The following DOCK3 variants were observed in gnomAD, a reference collection of about 807,000 sequenced individuals.
DOCK3 encodes dedicator of cytokinesis protein 3.
A neutral mutation model predicts 265.6 loss-of-function variants in DOCK3; 60 were observed. The observed-to-expected ratio is 0.23, with a 90% CI of 0.18 to 0.28. The LOEUF is 0.28. Ranked by LOEUF, DOCK3 falls within the 10% of genes least tolerant of loss-of-function variation. DOCK3 has a pLI of 1.00. For missense variants in DOCK3, 1,981 were observed against 2,594.3 expected (o/e 0.76, Z 5.14); for synonymous variants, 881 against 938.0 (o/e 0.94, Z 1.11).
In DOCK3 at chr3:51,159,262, A is replaced by G. The variant is rs2107509693; in HGVS notation, c.847A>G (p.Met283Val). Reference protein sequence around the residue: ...ALFTDLSSKDMKRDLYIVAHV... With the variant: ...ALFTDLSSKDVKRDLYIVAHV... ...CTCTTAGGATCTGAGCAGCAAAGAT[A>G]TGAAGAGAGATTTGTATATCGTTGC... The change falls in exon 11 of 53, where the codon ATG becomes GTG. Residue 283 changes from methionine (M) to valine (V), a missense_variant. Transcript: ENST00000266037. 1 of 1,613,662 alleles carries G rather than the reference A, an allele frequency of 6.2e-7. No homozygotes were observed. The highest frequency in any genetic ancestry group is 2.2e-5 in the East Asian group (1 of 44,876).
intron 27 of DOCK3, among the ~76,000 whole-genome samples, chr3:51,300,528 G>A (rs1482125249): frequency 6.6e-6 from 1 of 152,164 alleles, no homozygotes; most frequent in African/African-American, 2.4e-5. Flanking sequence ...TATGATATTG[G>A]CTGTGGGTTT....
At chr3:50,942,714 A>G (rs2076327620) in intron 5 of DOCK3, among the ~76,000 whole-genome samples, 1 of 151,514 alleles carries the variant, frequency 6.6e-6, no homozygotes, top group South Asian at 2.1e-4. Flanking sequence ...GTTACTGTGA[A>G]TGTGAATATT....
At chr3:51,293,840 T>C (rs542541623) in intron 27 of DOCK3, among the ~76,000 whole-genome samples, 65 of 152,212 alleles carry the variant, frequency 4.3e-4, no homozygotes, top group African/African-American at 1.5e-3. Context: ...ACATCAGATA[T>C]ATGAAAAAAT....
chr3:51,376,357 TGG>T (rs1236843928), intron 51 of DOCK3, among the ~76,000 whole-genome samples: 1 of 152,214 alleles, frequency 6.6e-6, no homozygotes, highest in East Asian at 1.9e-4. Context: ...GTAGCCACTC[TGG>T]CCAGCAGCTG....
At chr3:51,286,788 T>G (rs2081432187) in intron 27 of DOCK3, among the ~76,000 whole-genome samples, 3 of 152,224 alleles carry the variant, frequency 2.0e-5, no homozygotes, top group Admixed American at 2.0e-4. Context: ...ACTGGACCCC[T>G]TCCTCATGCC....
At chr3:50,987,790 G>A (rs2077957590) in intron 5 of DOCK3, among the ~76,000 whole-genome samples, 1 of 152,172 alleles carries the variant, frequency 6.6e-6, no homozygotes, top group African/African-American at 2.4e-5. Flanking sequence ...GTGCAACCCT[G>A]GGAAACTCAT....
chr3:50,827,898 A>G (rs1020202593), intron 2 of DOCK3, among the ~76,000 whole-genome samples: 1 of 151,088 alleles, frequency 6.6e-6, no homozygotes, highest in African/African-American at 2.4e-5. Flanking sequence ...TGTTGGTTTT[A>G]CAGTGTTTTG....
chr3:51,087,397 T>A (rs1477077769), intron 7 of DOCK3, among the ~76,000 whole-genome samples: 4 of 152,214 alleles, frequency 2.6e-5, no homozygotes, highest in Non-Finnish European at 1.5e-5. Context: ...TATGATCATC[T>A]CAATAGTCAC....
chr3:51,249,876 G>A (rs1161599509), intron 22 of DOCK3, among the ~76,000 whole-genome samples: 9 of 147,346 alleles, frequency 6.1e-5, no homozygotes, highest in Non-Finnish European at 1.1e-4. Context: ...GATGGTTGCC[G>A]TGTCTGTGTA....
chr3:50,729,128 C>T (rs2038027417), intron 1 of DOCK3, among the ~76,000 whole-genome samples: 1 of 146,932 alleles, frequency 6.8e-6, no homozygotes, highest in East Asian at 2.0e-4. Flanking sequence ...CAAGACCAGC[C>T]TGCGCAACAT....
At chr3:51,332,079 C>A (rs555164758) in intron 33 of DOCK3, among the ~76,000 whole-genome samples, 2 of 152,338 alleles carry the variant, frequency 1.3e-5, no homozygotes, top group African/African-American at 4.8e-5. Context: ...AGACAGTCAT[C>A]ATTGTAGCAG....
intron 2 of DOCK3, among the ~76,000 whole-genome samples, chr3:50,827,873 G>A (rs746831554): frequency 6.6e-6 from 1 of 151,310 alleles, no homozygotes; most frequent in African/African-American, 2.4e-5. Flanking sequence ...TTTCATTTAG[G>A]CTCCTCTATT....
chr3:51,012,880 G>A (rs551679758), intron 5 of DOCK3, among the ~76,000 whole-genome samples: 4 of 151,768 alleles, frequency 2.6e-5, no homozygotes. Flanking sequence ...CTCTCTTCTC[G>A]CTTCATTTCA....
chr3:51,059,467 AC>A (rs2081330074), intron 5 of DOCK3, among the ~76,000 whole-genome samples: 9 of 151,086 alleles, frequency 6.0e-5, no homozygotes, highest in Non-Finnish European at 1.3e-4. Context: ...ACACACACAC[AC>A]ACACACACAC....
chr3:51,090,104 C>A, intron 8 of DOCK3, 126 bp from the exon 9 acceptor site: 1 of 1,115,504 alleles, frequency 9.0e-7, no homozygotes, highest in Non-Finnish European at 1.2e-6. Flanking sequence ...GAGAAAACAT[C>A]TTCAGTTTCT....
chr3:50,816,515 T>G (rs1433764239), intron 2 of DOCK3, among the ~76,000 whole-genome samples: 1 of 151,818 alleles, frequency 6.6e-6, no homozygotes, highest in East Asian at 1.9e-4. Context: ...GAGACGGGGT[T>G]TTGCCATATT....
intron 41 of DOCK3, 38 bp downstream of exon 41, chr3:51,355,061 G>C (rs762394955): frequency 3.1e-6 from 5 of 1,598,532 alleles, no homozygotes; most frequent in Non-Finnish European, 4.3e-6. Context: ...GAGGGCAGGG[G>C]CCCTGGGAGG....
chr3:50,894,182 T>A (rs543079007), intron 4 of DOCK3, among the ~76,000 whole-genome samples: 1 of 152,078 alleles, frequency 6.6e-6, no homozygotes, highest in South Asian at 2.1e-4. Flanking sequence ...GTGGTCAAAT[T>A]GTCAAAAGTC....
At chr3:50,922,701 T>C (rs1461766412) in intron 4 of DOCK3, among the ~76,000 whole-genome samples, 1 of 152,168 alleles carries the variant, frequency 6.6e-6, no homozygotes, top group Admixed American at 6.5e-5. Flanking sequence ...TGTACTTTTG[T>C]TTTTTGTTCT....
Sources: gnomAD v4.1 joint callset for allele counts (sites outside exome capture counted in the v4.1 genomes callset) on GRCh38, gnomAD v4.1.1 for gene constraint, MANE v1.5 for transcripts, NCBI Gene and HGNC (gene_info 2026-07-23, HGNC 2026-07-21) for gene names.